PARD3B: variants seen among roughly 807,000 people sequenced by gnomAD.
PARD3B encodes partitioning defective 3 homolog B.
In PARD3B, 103 loss-of-function variants were observed where a neutral mutation model predicts 130.2. That is an observed-to-expected ratio of 0.79 (90% confidence interval 0.67 to 0.93). PARD3B has a LOEUF of 0.93. PARD3B is among the 40% of genes least tolerant of loss of function. The pLI is 0.00. For synonymous variants in PARD3B, 583 were observed against 553.2 expected (o/e 1.05, Z -0.76); for missense variants, 1,609 against 1,499.2 (o/e 1.07, Z -1.21).
chr2:205,418,383 C>T (rs1451131726), intron 19 of PARD3B, among the ~76,000 whole-genome samples: 4 of 152,202 alleles, frequency 2.6e-5, no homozygotes, highest in Admixed American at 2.0e-4. Flanking sequence ...TGGCAAGATG[C>T]GTAAAACACA....
chr2:204,697,994 T>A (rs10490269), intron 2 of PARD3B, among the ~76,000 whole-genome samples: 7,501 of 152,066 alleles, frequency 0.049, 531 homozygotes, highest in African/African-American at 0.15. Flanking sequence ...GAAGTTTAGA[T>A]CCATGGCTGC....
intron 21 of PARD3B, among the ~76,000 whole-genome samples, chr2:205,501,435 C>T (rs1312009267): frequency 6.6e-6 from 1 of 152,058 alleles, no homozygotes; most frequent in Non-Finnish European, 1.5e-5. Context: ...GAAAGATTTC[C>T]ACAGAATAAC....
intron 20 of PARD3B, among the ~76,000 whole-genome samples, chr2:205,465,975 G>A (rs2048607297): frequency 6.6e-6 from 1 of 152,194 alleles, no homozygotes. Context: ...CATACAGAAA[G>A]GGAGCAGCTG....
rs2053450433 is a variant in PARD3B, at chr2:205,568,664, T to C, written c.3260+15261T>C. ...CACACAGGCGAGGTAAAGTTCTACA[T>C]GGATTTCAACATGTCATCTTTGCTT... On this transcript the variant is annotated intron_variant, in intron 22 of 22. Transcript: ENST00000406610. This position sits in a 1 kb window ranked among gnomAD's most constrained non-coding sequence, Gnocchi z 5.3. 6.6e-6 allele frequency among the ~76,000 whole-genome samples: 1 copy of C among 152,200 alleles called. No homozygotes were observed. The highest frequency in any genetic ancestry group is 2.4e-5 in the African/African-American group (1 of 41,464).
rs1368429572 is a variant in PARD3B at position 205,292,698 on chromosome 2, C to T, written c.2186-7832C>T. ...TTATTTTATCCTGCCCATCCTCCCA[C>T]CTTTTTTTCTAGTTTTCTCTCATCA... On this transcript the variant is annotated intron_variant, in intron 16 of 22. Coordinates refer to ENST00000406610, the MANE Select transcript of PARD3B (RefSeq NM_001302769.2). This position sits in a 1 kb window ranked among gnomAD's most constrained non-coding sequence, Gnocchi z 5.3. Among the ~76,000 whole-genome samples the T allele has an allele frequency of 3.9e-5, 6 of 152,164 alleles. No homozygotes were observed. The highest frequency in any genetic ancestry group is 8.8e-5 in the Non-Finnish European group (6 of 68,034).
rs1280612586 is a variant in PARD3B at position 204,887,583 on chromosome 2, A to G, written c.223-77569A>G. Among the ~76,000 whole-genome samples the G allele has an allele frequency of 6.6e-6, 1 of 152,178 alleles. No homozygotes were observed. The highest frequency in any genetic ancestry group is 1.5e-5 in the Non-Finnish European group (1 of 68,036). On this transcript the variant is annotated intron_variant, in intron 2 of 22. Coordinates refer to ENST00000406610, the MANE Select transcript of PARD3B (RefSeq NM_001302769.2). This position sits in a 1 kb window ranked among gnomAD's most constrained non-coding sequence, Gnocchi z 4.2. ...ACGAAGAGATGGCAAACTAACCTAT[A>G]AATTAAAAGAAGCCCAAACTGCTGT...
intron 1 of PARD3B, among the ~76,000 whole-genome samples, chr2:204,589,071 G>A (rs546499454): frequency 1.6e-3 from 250 of 152,244 alleles, no homozygotes; most frequent in Admixed American, 3.5e-3. Flanking sequence ...GTGTGCTTAA[G>A]GGACACCCAC....
intron 21 of PARD3B, among the ~76,000 whole-genome samples, chr2:205,512,355 T>C (rs749468358): frequency 2.6e-5 from 4 of 152,194 alleles, no homozygotes; most frequent in Non-Finnish European, 5.9e-5. Context: ...AGAAAGAATA[T>C]AATGTTGCTG....
intron 21 of PARD3B, among the ~76,000 whole-genome samples, chr2:205,537,055 C>T (rs1485801008): frequency 1.3e-5 from 2 of 151,998 alleles, no homozygotes; most frequent in Non-Finnish European, 2.9e-5. Context: ...AATTTCATTA[C>T]ATTGATGAGT....
chr2:204,614,343 T>C (rs1467777196), intron 1 of PARD3B, among the ~76,000 whole-genome samples: 1 of 152,120 alleles, frequency 6.6e-6, no homozygotes, highest in Non-Finnish European at 1.5e-5. Context: ...AAATCCAATA[T>C]ATATTTTATA....
At chr2:205,504,744 G>C (rs1433641974) in intron 21 of PARD3B, among the ~76,000 whole-genome samples, 1 of 152,136 alleles carries the variant, frequency 6.6e-6, no homozygotes, top group Non-Finnish European at 1.5e-5. Context: ...GAAACAACAG[G>C]TGCTGGAAAG....
intron 3 of PARD3B, among the ~76,000 whole-genome samples, chr2:205,026,768 A>G (rs1219031761): frequency 6.6e-6 from 1 of 152,152 alleles, no homozygotes; most frequent in Non-Finnish European, 1.5e-5. Flanking sequence ...TATGATTGAG[A>G]TGAGATACTC....
chr2:205,530,276 C>A lies in PARD3B; in HGVS notation c.3181-23048C>A, dbSNP rs1170556484. ...TATGCTTGAGACCTGTCTTTTGCTA[C>A]CCACTACCACCCACAACAGGGTTAA... On this transcript the variant is annotated intron_variant, in intron 21 of 22. Transcript: ENST00000406610. The surrounding 1 kb of genome is among the most constrained non-coding windows in gnomAD (Gnocchi z 4.7). Among the ~76,000 whole-genome samples, 3 of 152,150 alleles carry A rather than the reference C, an allele frequency of 2.0e-5. No individual in the cohort carries two copies. The highest frequency in any genetic ancestry group is 4.4e-5 in the Non-Finnish European group (3 of 68,034).
At chr2:205,202,969 A>G (rs1030998289) in intron 15 of PARD3B, among the ~76,000 whole-genome samples, 1 of 152,158 alleles carries the variant, frequency 6.6e-6, no homozygotes, top group East Asian at 1.9e-4. Context: ...CCTTAAGTCA[A>G]TAATGGGGCC....
intron 3 of PARD3B, among the ~76,000 whole-genome samples, chr2:205,019,874 G>A (rs942733413): frequency 6.6e-6 from 1 of 152,132 alleles, no homozygotes; most frequent in Non-Finnish European, 1.5e-5. Flanking sequence ...ATAGGGCATG[G>A]CAGAGGAAAT....
intron 18 of PARD3B, chr2:205,347,887 G>A (rs866320392): frequency 5.3e-5 from 8 of 151,570 alleles, no homozygotes; most frequent in African/African-American, 1.9e-4. Context: ...GGAAGCAGGA[G>A]CTGAGAAATA....
chr2:205,440,316 GTAT>G lies in PARD3B; in HGVS notation c.2742-47_2742-45del. ...CATAAATTCAAGAGAGTATTTCATT[GTAT>G]TATTATATGAAACTCACATACATCT... is the stretch of plus-strand genomic sequence containing the variant. On this transcript the variant is annotated intron_variant, in intron 19 of 22. Coordinates refer to ENST00000406610, the MANE Select transcript of PARD3B (RefSeq NM_001302769.2). The surrounding 1 kb of genome is among the most constrained non-coding windows in gnomAD (Gnocchi z 4.2). The G allele has an allele frequency of 5.3e-6, 8 of 1,505,508 alleles. No individual in the cohort carries two copies. Among genetic ancestry groups the G allele is most frequent in the Non-Finnish European group, 6.4e-6 (7 of 1,090,366 alleles). The allele number at this position is 1,505,508 out of a possible 1,614,324, so 93.3% of individuals were successfully genotyped here. A position where few individuals can be genotyped will look rare whatever the true frequency, so the allele number is the denominator to read the frequency against.
At chr2:204,584,661 G>C (rs146507272) in intron 1 of PARD3B, among the ~76,000 whole-genome samples, 1 of 152,276 alleles carries the variant, frequency 6.6e-6, no homozygotes, top group East Asian at 1.9e-4. Flanking sequence ...TATGGGATAT[G>C]ATGTGGACAT....
intron 18 of PARD3B, among the ~76,000 whole-genome samples, chr2:205,365,337 C>T (rs1208787205): frequency 6.6e-6 from 1 of 151,340 alleles, no homozygotes; most frequent in Non-Finnish European, 1.5e-5. Context: ...CCCAAGATCG[C>T]ACCACTGCCC....
Sources: gnomAD v4.1 joint callset for allele counts (sites outside exome capture counted in the v4.1 genomes callset) on GRCh38, gnomAD v4.1.1 for gene constraint, Gnocchi (gnomAD v3.1) non-coding constraint, MANE v1.5 for transcripts, NCBI Gene and HGNC (gene_info 2026-07-23, HGNC 2026-07-21) for gene names.